C18orf63: variants seen among roughly 807,000 people sequenced by gnomAD.
The protein encoded by C18orf63 is chromosome 18 open reading frame 63.
A neutral mutation model predicts 75.3 loss-of-function variants in C18orf63; 50 were observed. The ratio of observed to expected loss-of-function variants is 0.66; its 90% CI spans 0.53 to 0.84. C18orf63 has a LOEUF of 0.84. Ranked by LOEUF, C18orf63 falls within the 40% of genes least tolerant of loss-of-function variation. C18orf63 has a pLI of 0.00. For synonymous variants in C18orf63, 232 were observed against 267.6 expected (o/e 0.87, Z 1.30); for missense variants, 732 against 800.2 (o/e 0.91, Z 1.03).
At chr18:74,326,360 G>A (rs984289860) in intron 4 of C18orf63, among the ~76,000 whole-genome samples, 27 of 152,150 alleles carry the variant, frequency 1.8e-4, no homozygotes, top group African/African-American at 6.5e-4. Context: ...AATTTTTTCT[G>A]GACTGTATTT....
At chr18:74,326,918 T>A (rs1984218274) in intron 4 of C18orf63, among the ~76,000 whole-genome samples, 1 of 152,150 alleles carries the variant, frequency 6.6e-6, no homozygotes. Context: ...TTTTCTACAG[T>A]TGTGGCAGGC....
intron 13 of C18orf63, among the ~76,000 whole-genome samples, chr18:74,356,264 A>AC (rs1314631379): frequency 4.0e-5 from 6 of 150,960 alleles, no homozygotes; most frequent in South Asian, 2.1e-4. Flanking sequence ...CTCATCATTC[A>AC]CCCCCCCTCC....
At chr18:74,350,828 A>C (rs538250117) in intron 11 of C18orf63, among the ~76,000 whole-genome samples, 1 of 152,272 alleles carries the variant, frequency 6.6e-6, no homozygotes, top group South Asian at 2.1e-4. Flanking sequence ...TATGCTCTGA[A>C]TGTGTTTCTC....
At chr18:74,330,185 T>C (rs1327302458) in intron 6 of C18orf63, among the ~76,000 whole-genome samples, 1 of 152,248 alleles carries the variant, frequency 6.6e-6, no homozygotes, top group Non-Finnish European at 1.5e-5. Context: ...TAGGATTTGT[T>C]TTCTTTTACT....
At position 74,342,335 on chromosome 18, in the gene C18orf63, T is replaced by C; in HGVS notation, c.794+9T>C. On this transcript the variant is annotated intron_variant, in intron 10 of 13. Coordinates refer to ENST00000579455, the MANE Select transcript of C18orf63 (RefSeq NM_001174123.2). ...GGAGAAAGGACCTTCACATATCCTT[T>C]ACACACCAACTGAAGCAGATGCTGT... 6.8e-7 allele frequency: 1 copy of C among 1,481,300 alleles called. No individual in the cohort carries two copies. The highest frequency in any genetic ancestry group is 1.2e-5 in the South Asian group (1 of 82,798). 91.8% of individuals were successfully genotyped at this position (1,481,300 alleles called of 1,614,324 possible). A position where few individuals can be genotyped will look rare whatever the true frequency, so the allele number is the denominator to read the frequency against.
chr18:74,331,056 G>T, intron 7 of C18orf63, 114 bp downstream of exon 7: 1 of 391,190 alleles, frequency 2.6e-6, no homozygotes, highest in Non-Finnish European at 4.4e-6. Flanking sequence ...TGCTAGAAAG[G>T]TTTTTATTAT....
intron 1 of C18orf63, 32 bp from the exon 2 acceptor site, chr18:74,317,802 T>G: frequency 1.5e-6 from 2 of 1,345,792 alleles, no homozygotes; most frequent in Non-Finnish European, 2.0e-6. Context: ...GTAAGATAAT[T>G]TACTACCTTT....
rs757914219 is a variant in C18orf63, at chr18:74,343,667, T to C, written c.943T>C (p.Tyr315His). The C allele has an allele frequency of 9.8e-6, 15 of 1,532,552 alleles. No individual in the cohort carries two copies. The highest frequency in any genetic ancestry group is 1.3e-5 in the Non-Finnish European group (15 of 1,145,066). 94.9% of individuals were successfully genotyped at this position (1,532,552 alleles called of 1,614,324 possible). Residue 315 changes from tyrosine to histidine, a missense_variant, in exon 11 of 14, where the codon TAC becomes CAC. Coordinates refer to ENST00000579455, the MANE Select transcript of C18orf63 (RefSeq NM_001174123.2). ...CATAAAGATGACAAGTAAACCATGC[T>C]ACTACACACAAGAACTAACTAAACC... ...FPIKMTSKPC[Y>H]YTQELTKPNI...
chr18:74,327,839 C>T (rs575074341), intron 4 of C18orf63, 108 bp from the exon 5 acceptor site: 3 of 667,720 alleles, frequency 4.5e-6, no homozygotes, highest in Non-Finnish European at 5.2e-6. Context: ...ACCTAGAACA[C>T]CCGAGTTTGT....
intron 11 of C18orf63, among the ~76,000 whole-genome samples, chr18:74,351,540 A>G (rs1272698952): frequency 1.3e-5 from 2 of 152,338 alleles, no homozygotes; most frequent in East Asian, 3.9e-4. Context: ...ATCACGCATC[A>G]CATGTGAAAG....
chr18:74,329,904 T>G (rs1302882611), intron 6 of C18orf63, among the ~76,000 whole-genome samples: 1 of 152,162 alleles, frequency 6.6e-6, no homozygotes, highest in Admixed American at 6.5e-5. Flanking sequence ...TAATCAATCA[T>G]GGTAGCTTTT....
intron 2 of C18orf63, among the ~76,000 whole-genome samples, chr18:74,318,250 G>T (rs1331120055): frequency 6.6e-6 from 1 of 152,082 alleles, no homozygotes; most frequent in Non-Finnish European, 1.5e-5. Flanking sequence ...CTTTTTAAAA[G>T]TTTAAAATCT....
At chr18:74,321,389 C>G (rs1984118891) in intron 3 of C18orf63, among the ~76,000 whole-genome samples, 1 of 148,700 alleles carries the variant, frequency 6.7e-6, no homozygotes, top group Non-Finnish European at 1.5e-5. Flanking sequence ...ACTGCTACTT[C>G]CACCTCCCAG....
At chr18:74,354,310 A>T in intron 12 of C18orf63, 42 bp downstream of exon 12, 1 of 1,415,682 alleles carries the variant, frequency 7.1e-7, no homozygotes, top group Non-Finnish European at 9.3e-7. Flanking sequence ...CATATGCTAG[A>T]CCCTTAAAAC....
chr18:74,336,356 T>C (rs914018884), intron 7 of C18orf63, among the ~76,000 whole-genome samples: 1 of 152,096 alleles, frequency 6.6e-6, no homozygotes, highest in Non-Finnish European at 1.5e-5. Context: ...ATTTGTGTTA[T>C]AGGAACTATG....
intron 3 of C18orf63, among the ~76,000 whole-genome samples, 188 bp from the exon 4 acceptor site, chr18:74,322,510 G>C (rs537475484): frequency 4.2e-4 from 64 of 152,208 alleles, no homozygotes; most frequent in African/African-American, 1.3e-3. Flanking sequence ...TCCTCACTTT[G>C]AAAATGTGCC....
rs141399321 is a variant in C18orf63, at chr18:74,358,728, G to A, written c.*2281G>A. 1.3e-5 allele frequency: 2 copies of A among 152,198 alleles called. No homozygotes were observed. Among genetic ancestry groups the A allele is most frequent in the East Asian group, 3.9e-4 (2 of 5,182 alleles). 9.4% of individuals were successfully genotyped at this position (152,198 alleles called of 1,614,324 possible). The stretch of plus-strand genomic sequence containing the variant: ...CTATGTCCAGGAGCTGAAGAAATCA[G>A]CGATTACTTTAAAAAATATATGGCA... On this transcript the variant is annotated 3_prime_UTR_variant, in exon 14 of 14. Coordinates refer to ENST00000579455, the MANE Select transcript of C18orf63 (RefSeq NM_001174123.2).
chr18:74,354,282 T>C lies in C18orf63; in HGVS notation c.2001+14T>C. ...TCTAAGAAGCAGGTAAAAAAAAAAT[T>C]AATCTGGCACTACTTATCATATGCT... On this transcript the variant is annotated intron_variant, in intron 12 of 13. Transcript: ENST00000579455. 6.7e-7 allele frequency: 1 copy of C among 1,493,986 alleles called. No individual in the cohort carries two copies. Among genetic ancestry groups the C allele is most frequent in the Non-Finnish European group, 8.8e-7 (1 of 1,130,618 alleles). 92.5% of individuals were successfully genotyped at this position (1,493,986 alleles called of 1,614,324 possible).
Position 74,353,962 on chromosome 18 carries a change from A to G in C18orf63, c.1695A>G (p.Gln565=), listed in dbSNP as rs915268577. 7.2e-6 allele frequency: 11 copies of G among 1,536,194 alleles called. No homozygotes were observed. In the African/African-American group the frequency reaches 8.2e-5, roughly 11 times the overall value. ...LGVVKSAVDF[Q]MKGKENLTGK... is the part of the protein sequence containing the mutation. ...TGGTAAAAAGTGCTGTTGACTTCCAAATGAAAGGAAAAGAAAATTTAACAG... is the reference window on the plus strand; with the variant it reads ...TGGTAAAAAGTGCTGTTGACTTCCAGATGAAAGGAAAAGAAAATTTAACAG... Residue 565 remains glutamine (Q), a synonymous_variant, in exon 12 of 14, where the codon CAA becomes CAG. Coordinates refer to ENST00000579455, the MANE Select transcript of C18orf63 (RefSeq NM_001174123.2).
Sources: gnomAD v4.1 joint callset for allele counts (sites outside exome capture counted in the v4.1 genomes callset) on GRCh38, gnomAD v4.1.1 for gene constraint, MANE v1.5 for transcripts, NCBI Gene and HGNC (gene_info 2026-07-23, HGNC 2026-07-21) for gene names.